FBXL18: variants seen among roughly 807,000 people sequenced by gnomAD.
The protein encoded by FBXL18 is F-box and leucine rich repeat protein 18.
FBXL18 carries 36 observed loss-of-function variants against 46.0 expected under a neutral mutation model. That is an observed-to-expected ratio of 0.78 (90% CI 0.60 to 1.03). The LOEUF is 1.03. Among genes scored for constraint, FBXL18 ranks in the 50% least tolerant of loss-of-function variants. FBXL18 has a pLI of 0.00. For synonymous variants in FBXL18, 557 were observed against 465.3 expected, an observed-to-expected ratio of 1.20 and a Z score of -2.54; for missense variants, 977 against 1,004.1, an observed-to-expected ratio of 0.97 and a Z score of 0.36.
At chr7:5,512,791 G>A (rs1015934746) in intron 1 of FBXL18, among the ~76,000 whole-genome samples, 1 of 152,064 alleles carries the variant, frequency 6.6e-6, no homozygotes, top group Non-Finnish European at 1.5e-5. Flanking sequence ...AGCCACTGGG[G>A]TCATTTCTAG....
intron 4 of FBXL18, among the ~76,000 whole-genome samples, chr7:5,486,934 A>G (rs1303089903): frequency 1.3e-5 from 2 of 152,252 alleles, no homozygotes; most frequent in African/African-American, 4.8e-5. Flanking sequence ...TCCTCCAGGC[A>G]GGAAAAAAGA....
In FBXL18 at chr7:5,496,103, T is replaced by C. The variant is rs893265308; in HGVS notation, c.1781+4385A>G. ...GCCATCGGGGACCATGAAATCACGCTGACCTCGGGAGGCCGGAGACAAGCA... is the reference window on the plus strand; with the variant it reads ...GCCATCGGGGACCATGAAATCACGCCGACCTCGGGAGGCCGGAGACAAGCA... On this transcript the variant is annotated intron_variant, in intron 3 of 4. Transcript: ENST00000382368. The surrounding 1 kb of genome is among the most constrained non-coding windows in gnomAD (Gnocchi z 4.8). Among the ~76,000 whole-genome samples the C allele has an allele frequency of 6.6e-6, 1 of 152,190 alleles. No homozygotes were observed. Among genetic ancestry groups the C allele is most frequent in the Non-Finnish European group, 1.5e-5 (1 of 68,028 alleles).
At chr7:5,513,531 G>A (rs1418241000) in intron 1 of FBXL18, 126 bp downstream of exon 1, 2 of 1,087,272 alleles carry the variant, frequency 1.8e-6, no homozygotes, top group African/African-American at 1.6e-5. Flanking sequence ...GGTCAGGATG[G>A]GAAGGACGGG....
chr7:5,489,701 C>A (rs1332653963), intron 4 of FBXL18: 1 of 227,336 alleles, frequency 4.4e-6, no homozygotes, highest in Non-Finnish European at 8.9e-6. Context: ...ATGTCGTGAA[C>A]CCGGGAGGCA....
chr7:5,473,857 C>T (rs1046734998), downstream of FBXL18, among the ~76,000 whole-genome samples: 4 of 151,774 alleles, frequency 2.6e-5, no homozygotes, highest in African/African-American at 9.7e-5. Context: ...GGTAATAGTG[C>T]GGCCTTGGCT....
In FBXL18 at chr7:5,500,571, G is replaced by C; in HGVS notation, c.1698C>G (p.Ala566=). The C allele has an allele frequency of 6.2e-7, 1 of 1,613,582 alleles. No individual in the cohort carries two copies. Among genetic ancestry groups the C allele is most frequent in the South Asian group, 1.1e-5 (1 of 91,082 alleles). The change falls in exon 3 of 5, where the codon GCC becomes GCG. Residue 566 remains alanine (A), a synonymous_variant. Transcript: ENST00000382368. ...CCACCTTCCCCATCATGCCCAGGTT[G>C]GCCAGCGACAGGGACCGCAACTGCT... is the stretch of plus-strand genomic sequence containing the variant. ...QCQQLRSLSL[A]NLGMMGKVVY... is the part of the protein sequence containing the mutation.
At chr7:5,472,946 T>G (rs902928123), downstream of FBXL18, among the ~76,000 whole-genome samples, 1 of 152,090 alleles carries the variant, frequency 6.6e-6, no homozygotes, top group African/African-American at 2.4e-5. Flanking sequence ...GTAATGACAG[T>G]CTCACATGTT....
intron 4 of FBXL18, among the ~76,000 whole-genome samples, chr7:5,463,314 G>A (rs4612245): frequency 0.67 from 102,211 of 151,582 alleles, 35,125 homozygotes; most frequent in East Asian, 0.9. Flanking sequence ...TTGAAAACAC[G>A]TCCACCTAAG....
At chr7:5,488,462 C>T (rs7801655) in intron 4 of FBXL18, among the ~76,000 whole-genome samples, 212 of 144,824 alleles carry the variant, frequency 1.5e-3, no homozygotes, top group African/African-American at 6.0e-3. Context: ...GGACGTTCTC[C>T]GCTGCAGCAA....
At chr7:5,474,671 A>C (rs1488883904), downstream of FBXL18, among the ~76,000 whole-genome samples, 3 of 46,234 alleles carry the variant, frequency 6.5e-5, no homozygotes, top group African/African-American at 9.2e-5. Flanking sequence ...CCGCTGGCAA[A>C]TTATGCACTT....
downstream of FBXL18, among the ~76,000 whole-genome samples, chr7:5,472,269 C>T (rs763886333): frequency 6.6e-6 from 1 of 152,112 alleles, no homozygotes; most frequent in Non-Finnish European, 1.5e-5. Flanking sequence ...CACAACATGA[C>T]CTCCCACCCC....
At chr7:5,484,294 C>G (rs558019685) in intron 4 of FBXL18, among the ~76,000 whole-genome samples, 2 of 151,758 alleles carry the variant, frequency 1.3e-5, no homozygotes, top group Non-Finnish European at 2.9e-5. Context: ...GGTGAAACCC[C>G]GTCTCTACTA....
rs1783529689 is a variant in FBXL18, at chr7:5,476,908, G to A, written c.*4867C>T. The A allele has an allele frequency of 6.7e-6, 1 of 148,404 alleles. No homozygotes were observed. Among genetic ancestry groups the A allele is most frequent in the Non-Finnish European group, 1.5e-5 (1 of 67,378 alleles). The allele number at this position is 148,404 out of a possible 1,614,324, so 9.2% of individuals were successfully genotyped here. A position where few individuals can be genotyped will look rare whatever the true frequency, so the allele number is the denominator to read the frequency against. On this transcript the variant is annotated 3_prime_UTR_variant, in exon 5 of 5. Coordinates refer to ENST00000382368, the MANE Select transcript of FBXL18 (RefSeq NM_024963.6). ...CTTCTTTTGTTTTTTTTTTTTTTGA[G>A]ACGGAGTCTCACTCTGTCGCCCAGG...
At chr7:5,454,956 A>G (rs1783152269) in intron 4 of FBXL18, among the ~76,000 whole-genome samples, 1 of 152,184 alleles carries the variant, frequency 6.6e-6, no homozygotes, top group South Asian at 2.1e-4. Flanking sequence ...GAGTTTGCTT[A>G]CCAATGCCGC....
intron 4 of FBXL18, among the ~76,000 whole-genome samples, chr7:5,487,124 T>C (rs1212316120): frequency 6.6e-6 from 1 of 152,170 alleles, no homozygotes; most frequent in Non-Finnish European, 1.5e-5. Flanking sequence ...CACTGACCCC[T>C]AGGCCCACAC....
intron 4 of FBXL18, among the ~76,000 whole-genome samples, chr7:5,470,767 C>T (rs887289804): frequency 6.6e-6 from 1 of 151,974 alleles, no homozygotes; most frequent in African/African-American, 2.4e-5. Context: ...AGCAGAGTGG[C>T]CCCCGGCACC....
At chr7:5,458,801 C>T (rs1783206788) in intron 4 of FBXL18, among the ~76,000 whole-genome samples, 1 of 152,084 alleles carries the variant, frequency 6.6e-6, no homozygotes, top group African/African-American at 2.4e-5. Context: ...CAAACAATGT[C>T]TTAACAGAGC....
At chr7:5,460,589 G>A (rs1450343068) in intron 4 of FBXL18, among the ~76,000 whole-genome samples, 1 of 152,186 alleles carries the variant, frequency 6.6e-6, no homozygotes, top group Non-Finnish European at 1.5e-5. Flanking sequence ...GAGCAGCTGG[G>A]GTTACCGGCA....
intron 1 of FBXL18, among the ~76,000 whole-genome samples, chr7:5,512,934 TA>T (rs1784577407): frequency 6.6e-6 from 1 of 152,120 alleles, no homozygotes; most frequent in East Asian, 1.9e-4. Context: ...GGCAAGCTCC[TA>T]AATCTGCGAA....
Sources: gnomAD v4.1 joint callset for allele counts (sites outside exome capture counted in the v4.1 genomes callset) on GRCh38, gnomAD v4.1.1 for gene constraint, Gnocchi (gnomAD v3.1) non-coding constraint, MANE v1.5 for transcripts, NCBI Gene and HGNC (gene_info 2026-07-23, HGNC 2026-07-21) for gene names.